GPSM1: variants seen among roughly 807,000 people sequenced by gnomAD.
The protein encoded by GPSM1 is G protein-signaling modulator 1.
In GPSM1, 48 loss-of-function variants were observed where a neutral mutation model predicts 70.5. The ratio of observed to expected loss-of-function variants is 0.68; its 90% CI spans 0.54 to 0.87. GPSM1 has a LOEUF of 0.87. GPSM1 is among the 40% of genes least tolerant of loss of function. The pLI is 0.00. For missense variants in GPSM1, 981 were observed against 972.6 expected, an observed-to-expected ratio of 1.01 and a Z score of -0.11; for synonymous variants, 416 against 430.1, an observed-to-expected ratio of 0.97 and a Z score of 0.41.
intron 2 of GPSM1, among the ~76,000 whole-genome samples, chr9:136,334,895 G>C (rs1323908578): frequency 1.3e-5 from 2 of 152,178 alleles, no homozygotes; most frequent in Non-Finnish European, 2.9e-5. Context: ...GGGTGGCCCT[G>C]CTGGCAGGTG....
At chr9:136,334,735 C>T (rs868940610) in intron 2 of GPSM1, 67 bp downstream of exon 2, 3 of 1,305,140 alleles carry the variant, frequency 2.3e-6, no homozygotes, top group South Asian at 1.2e-5. Context: ...GTGGGGACGG[C>T]CCTGCTGGTG....
Position 136,355,802 on chromosome 9 carries a change from G to T in GPSM1, c.1568G>T (p.Gly523Val), listed in dbSNP as rs1554772927. Residue 523 changes from glycine to valine, a missense_variant, in exon 12 of 14, where the codon GGG (glycine) becomes GTG (valine). By Grantham distance (109) the Gly-to-Val change is moderately radical. Transcript: ENST00000440944. Reference sequence around the variant, plus strand: ...TGTCCCCTGGACGATGGCCAGGCCGGGGCTGCCGAGGCCACGGCCGCCCCC... The same window carrying T: ...TGTCCCCTGGACGATGGCCAGGCCGTGGCTGCCGAGGCCACGGCCGCCCCC... ...QRCPLDDGQA[G>V]AAEATAAPTL... 13 of 1,611,724 alleles carry T rather than the reference G, an allele frequency of 8.1e-6. No homozygotes were observed. The highest frequency in any genetic ancestry group is 9.3e-6 in the Non-Finnish European group (11 of 1,179,220).
At chr9:136,352,410 T>A (rs1315985308) in intron 11 of GPSM1, among the ~76,000 whole-genome samples, 1 of 152,210 alleles carries the variant, frequency 6.6e-6, no homozygotes, top group Non-Finnish European at 1.5e-5. Flanking sequence ...CATTCGGGGC[T>A]TTGGGATCTG....
chr9:136,341,010 T>TGG lies in GPSM1; in HGVS notation c.1207+23_1207+24dup, dbSNP rs782517443. ...AGGCCCAGGGTGAGTTCCAGGGTTG[T>TGG]GGGGGGGTCTTGCTCCCCACAGGCA... On this transcript the variant is annotated intron_variant, in intron 9 of 13. Transcript: ENST00000440944. The surrounding 1 kb of genome is among the most constrained non-coding windows in gnomAD (Gnocchi z 6.7). 1 of 1,563,022 alleles carries TGG rather than the reference T, an allele frequency of 6.4e-7. No homozygotes were observed. The highest frequency in any genetic ancestry group is 8.7e-7 in the Non-Finnish European group (1 of 1,154,360).
At position 136,359,461 on chromosome 9, in the gene GPSM1, G is replaced by A. The variant is rs910737191; in HGVS notation, c.*1241G>A. 6.6e-6 allele frequency: 1 copy of A among 152,316 alleles called. No individual in the cohort carries two copies. The highest frequency in any genetic ancestry group is 1.5e-5 in the Non-Finnish European group (1 of 68,034). 9.4% of individuals were successfully genotyped at this position (152,316 alleles called of 1,614,324 possible). ...AGGTGCCCGAACACAGGGTCTCCAG[G>A]ACGTAGCGCCCCCCCGCATACTTGA... On this transcript the variant is annotated 3_prime_UTR_variant, in exon 14 of 14. Coordinates refer to ENST00000440944, the MANE Select transcript of GPSM1 (RefSeq NM_001145638.3).
Position 136,341,280 on chromosome 9 carries a change from C to A in GPSM1, c.1207+287C>A, listed in dbSNP as rs1832384931. 2 of 1,470,404 alleles carry A rather than the reference C, an allele frequency of 1.4e-6. No homozygotes were observed. The highest frequency in any genetic ancestry group is 2.5e-5 in the Admixed American group (1 of 40,554). The allele number at this position is 1,470,404 out of a possible 1,614,324, so 91.1% of individuals were successfully genotyped here. Reference sequence around the variant, plus strand: ...GCTCCAGGGCCTCCACCCCCACCTCCCCCTGGAGCCCTCGGTGCAGGGAGG... The same window carrying A: ...GCTCCAGGGCCTCCACCCCCACCTCACCCTGGAGCCCTCGGTGCAGGGAGG... On this transcript the variant is annotated intron_variant, in intron 9 of 13. Transcript: ENST00000440944. The surrounding 1 kb of genome is among the most constrained non-coding windows in gnomAD (Gnocchi z 6.7).
chr9:136,341,339 G>T lies in GPSM1; in HGVS notation c.1207+346G>T. 1.4e-6 allele frequency: 2 copies of T among 1,436,686 alleles called. No homozygotes were observed. Among genetic ancestry groups the T allele is most frequent in the Non-Finnish European group, 1.8e-6 (2 of 1,101,092 alleles). The allele number at this position is 1,436,686 out of a possible 1,614,324, so 89.0% of individuals were successfully genotyped here. A position where few individuals can be genotyped will look rare whatever the true frequency, so the allele number is the denominator to read the frequency against. ...CCTCAGACCCAAGTAGGAGAGGGCT[G>T]CTGGGAGGCGAGAGGGCATCAGCCA... On this transcript the variant is annotated intron_variant, in intron 9 of 13. Transcript: ENST00000440944. The surrounding 1 kb of genome is among the most constrained non-coding windows in gnomAD (Gnocchi z 6.7).
chr9:136,344,308 G>T (rs2131404758), intron 9 of GPSM1, among the ~76,000 whole-genome samples: 1 of 152,282 alleles, frequency 6.6e-6, no homozygotes, highest in South Asian at 2.1e-4. Context: ...TTTGGGAGAT[G>T]ACCATCATGG....
intron 11 of GPSM1, among the ~76,000 whole-genome samples, chr9:136,352,552 C>T (rs992533378): frequency 1.3e-5 from 2 of 152,246 alleles, no homozygotes; most frequent in Admixed American, 1.3e-4. Flanking sequence ...AGAGAGGCAG[C>T]AACCAGAGGC....
In GPSM1 at chr9:136,341,788, G is replaced by A. The variant is rs1489910396; in HGVS notation, c.1207+795G>A. The A allele has an allele frequency of 1.2e-5, 12 of 984,676 alleles. No individual in the cohort carries two copies. The highest frequency in any genetic ancestry group is 1.2e-4 in the Admixed American group (2 of 16,294). 61.0% of individuals were successfully genotyped at this position (984,676 alleles called of 1,614,324 possible). ...GGCTTGGATGTGGTGCTGGGCTGCCGGAGTTTCTTTTTCTTATCTTATTTT... is the reference window on the plus strand; with the variant it reads ...GGCTTGGATGTGGTGCTGGGCTGCCAGAGTTTCTTTTTCTTATCTTATTTT... On this transcript the variant is annotated intron_variant, in intron 9 of 13. Coordinates refer to ENST00000440944, the MANE Select transcript of GPSM1 (RefSeq NM_001145638.3). The surrounding 1 kb of genome is among the most constrained non-coding windows in gnomAD (Gnocchi z 6.7).
chr9:136,348,579 G>T, intron 9 of GPSM1, 118 bp from the exon 10 acceptor site: 1 of 671,282 alleles, frequency 1.5e-6, no homozygotes, highest in African/African-American at 1.8e-5. Flanking sequence ...CACAAGGGGG[G>T]CTGGCTGTCA....
chr9:136,355,798 G>A lies in GPSM1; in HGVS notation c.1564G>A (p.Ala522Thr). ...DQRCPLDDGQAGAAEATAAPT... is the reference protein window; with the variant it reads ...DQRCPLDDGQTGAAEATAAPT... ...GCGTTGTCCCCTGGACGATGGCCAG[G>A]CCGGGGCTGCCGAGGCCACGGCCGC... is the stretch of plus-strand genomic sequence containing the variant. The change falls in exon 12 of 14, where the codon GCC becomes ACC. Residue 522 changes from alanine to threonine, a missense_variant. Physicochemically the swap from Ala to Thr is moderately conservative, Grantham distance 58. Coordinates refer to ENST00000440944, the MANE Select transcript of GPSM1 (RefSeq NM_001145638.3). The A allele has an allele frequency of 6.2e-7, 1 of 1,612,006 alleles. No homozygotes were observed. Among genetic ancestry groups the A allele is most frequent in the Non-Finnish European group, 8.5e-7 (1 of 1,179,370 alleles).
chr9:136,338,669 C>T lies in GPSM1; in HGVS notation c.933C>T (p.Tyr311=). Residue 311 remains tyrosine, a synonymous_variant, in exon 7 of 14, where the codon TAC becomes TAT. Transcript: ENST00000440944. ...AGGACTACGAGCGCGCGGCCGAGTACCACCTGCGGCACCTGCTCATTGCCC... is the reference window on the plus strand; with the variant it reads ...AGGACTACGAGCGCGCGGCCGAGTATCACCTGCGGCACCTGCTCATTGCCC... ...LLQDYERAAE[Y]HLRHLLIAQE... is the part of the protein sequence containing the mutation. 1.3e-6 allele frequency: 2 copies of T among 1,575,088 alleles called. No individual in the cohort carries two copies. The highest frequency in any genetic ancestry group is 8.6e-7 in the Non-Finnish European group (1 of 1,161,850).
In GPSM1 at chr9:136,340,724, T is replaced by G; in HGVS notation, c.1084-146T>G. The stretch of plus-strand genomic sequence containing the variant: ...CCTCCGGGTCCACAGTGAGTCCTGG[T>G]TCCCTCAGAGGCCCAGGGGTCAGTG... On this transcript the variant is annotated intron_variant, in intron 8 of 13. Transcript: ENST00000440944. The surrounding 1 kb of genome is among the most constrained non-coding windows in gnomAD (Gnocchi z 7.3). 1 of 1,180,352 alleles carries G rather than the reference T, an allele frequency of 8.5e-7. No individual in the cohort carries two copies. Among genetic ancestry groups the G allele is most frequent in the South Asian group, 1.6e-5 (1 of 62,156 alleles). 73.1% of individuals were successfully genotyped at this position (1,180,352 alleles called of 1,614,324 possible). A position where few individuals can be genotyped will look rare whatever the true frequency, so the allele number is the denominator to read the frequency against.
rs1344010699 is a variant in GPSM1 at position 136,339,786 on chromosome 9, G to T, written c.1054G>T (p.Ala352Ser). The T allele has an allele frequency of 1.3e-6, 2 of 1,549,222 alleles. No homozygotes were observed. Among genetic ancestry groups the T allele is most frequent in the Non-Finnish European group, 1.7e-6 (2 of 1,145,936 alleles). The change falls in exon 8 of 14, where the codon GCC (alanine) becomes TCC (serine). Residue 352 changes from alanine (A) to serine (S), a missense_variant. Coordinates refer to ENST00000440944, the MANE Select transcript of GPSM1 (RefSeq NM_001145638.3). ...MGRPAQALTF[A>S]KKHLQISQEI... ...GCGCCCAGCGCAGGCCCTGACCTTC[G>T]CCAAGAAGCACCTGCAGATCTCCCA... is the stretch of plus-strand genomic sequence containing the variant.
rs1554770503 is a variant in GPSM1 at position 136,342,617 on chromosome 9, C to T, written c.1207+1624C>T. Among the ~76,000 whole-genome samples, 1 of 152,172 alleles carries T rather than the reference C, an allele frequency of 6.6e-6. No homozygotes were observed. Among genetic ancestry groups the T allele is most frequent in the East Asian group, 1.9e-4 (1 of 5,164 alleles). ...GAGCCTGGGCGGCCCTGGGTGAGAC[C>T]CCGGCTCAGCTGAGCCTGGCAGGGA... On this transcript the variant is annotated intron_variant, in intron 9 of 13. Coordinates refer to ENST00000440944, the MANE Select transcript of GPSM1 (RefSeq NM_001145638.3). The surrounding 1 kb of genome is among the most constrained non-coding windows in gnomAD (Gnocchi z 5.5).
intron 2 of GPSM1, among the ~76,000 whole-genome samples, chr9:136,335,709 G>A (rs1832215770): frequency 6.6e-6 from 1 of 152,200 alleles, no homozygotes; most frequent in African/African-American, 2.4e-5. Flanking sequence ...CCTGGCACCT[G>A]TGTGCAGCCT....
At chr9:136,357,440 C>T (rs955797436) in intron 13 of GPSM1, among the ~76,000 whole-genome samples, 11 of 152,346 alleles carry the variant, frequency 7.2e-5, no homozygotes, top group African/African-American at 2.6e-4. Flanking sequence ...CGCCAGCTCC[C>T]GTCCCTCCTG....
At chr9:136,357,519 C>T (rs1832864406) in intron 13 of GPSM1, among the ~76,000 whole-genome samples, 1 of 152,246 alleles carries the variant, frequency 6.6e-6, no homozygotes, top group Non-Finnish European at 1.5e-5. Context: ...GCAGGCGAGG[C>T]CCACGGGGTC....
Sources: gnomAD v4.1 joint callset for allele counts (sites outside exome capture counted in the v4.1 genomes callset) on GRCh38, gnomAD v4.1.1 for gene constraint, Gnocchi (gnomAD v3.1) non-coding constraint, MANE v1.5 for transcripts, NCBI Gene and HGNC (gene_info 2026-07-23, HGNC 2026-07-21) for gene names.